Variants in MYF6 observed in about 807,000 individuals in gnomAD.
MYF6 encodes class C basic helix-loop-helix protein 4.
Under a neutral mutation model 21.7 loss-of-function variants are expected in MYF6, and 20 were observed. The observed-to-expected ratio is 0.92, with a 90% confidence interval of 0.65 to 1.34. MYF6 has a LOEUF of 1.34. MYF6 is among the 40% of genes most tolerant of loss of function. The pLI is 0.00. For missense variants in MYF6, 320 were observed against 304.1 expected, an observed-to-expected ratio of 1.05 and a Z score of -0.39; for synonymous variants, 124 against 124.7, an observed-to-expected ratio of 0.99 and a Z score of 0.04.
In MYF6 at chr12:80,707,700, C is replaced by T; in HGVS notation, c.-20C>T. On this transcript the variant is annotated 5_prime_UTR_variant, in exon 1 of 3. An upstream open reading frame in the 5' UTR gains an earlier in-frame stop. Coordinates refer to ENST00000228641, the MANE Select transcript of MYF6 (RefSeq NM_002469.3). ...GTCCATCACCCAGTTCAGATCGAGT[C>T]AGAGGCCAAGGAGGAGAACATGATG... is the stretch of plus-strand genomic sequence containing the variant. 1 of 1,614,070 alleles carries T rather than the reference C, an allele frequency of 6.2e-7. No homozygotes were observed. The highest frequency in any genetic ancestry group is 1.1e-5 in the South Asian group (1 of 91,030).
intron 1 of MYF6, 90 bp from the exon 2 acceptor site, chr12:80,708,434 G>T: frequency 6.9e-7 from 1 of 1,451,210 alleles, no homozygotes; most frequent in Non-Finnish European, 9.6e-7. Flanking sequence ...TACCCGGCCC[G>T]AGGAAGCAGG....
At position 80,709,221 on chromosome 12, in the gene MYF6, T is replaced by C. The variant is rs1352133848; in HGVS notation, c.*261T>C. 1 of 463,026 alleles carries C rather than the reference T, an allele frequency of 2.2e-6. No homozygotes were observed. The highest frequency in any genetic ancestry group is 4.0e-6 in the Non-Finnish European group (1 of 252,454). The allele number at this position is 463,026 out of a possible 1,614,324, so 28.7% of individuals were successfully genotyped here. On this transcript the variant is annotated 3_prime_UTR_variant, in exon 3 of 3. Transcript: ENST00000228641. ...GTGGCTTAGGTCTAGCCTCATTTTGTTTTTGTTTGGTTGGTTTTATACTAT... is the reference window on the plus strand; with the variant it reads ...GTGGCTTAGGTCTAGCCTCATTTTGCTTTTGTTTGGTTGGTTTTATACTAT...
At position 80,709,136 on chromosome 12, in the gene MYF6, T is replaced by G. The variant is rs1196151329; in HGVS notation, c.*176T>G. The stretch of plus-strand genomic sequence containing the variant: ...ACGTTGCGAAAATTGCGAAATCTGT[T>G]GTGCATGCTCAAATGAAAACGCCTT... On this transcript the variant is annotated 3_prime_UTR_variant, in exon 3 of 3. Transcript: ENST00000228641. The G allele has an allele frequency of 6.5e-6, 4 of 615,818 alleles. No individual in the cohort carries two copies. The African/African-American group carries it at 7.4e-5, about 11-fold the overall frequency. 38.1% of individuals were successfully genotyped at this position (615,818 alleles called of 1,614,324 possible).
rs1490263706 is a variant in MYF6, at chr12:80,709,361, T to C, written c.*401T>C. Reference sequence around the variant, plus strand: ...GTATTTAATGTATTTTTGTAAATAGTTTAACACTTTCTTTTTTTACGTAAA... The same window carrying C: ...GTATTTAATGTATTTTTGTAAATAGCTTAACACTTTCTTTTTTTACGTAAA... On this transcript the variant is annotated 3_prime_UTR_variant, in exon 3 of 3. Transcript: ENST00000228641. The C allele has an allele frequency of 5.8e-6, 1 of 172,908 alleles. No individual in the cohort carries two copies. Among genetic ancestry groups the C allele is most frequent in the African/African-American group, 2.4e-5 (1 of 41,782 alleles). 10.7% of individuals were successfully genotyped at this position (172,908 alleles called of 1,614,324 possible). A position where few individuals can be genotyped will look rare whatever the true frequency, so the allele number is the denominator to read the frequency against.
At position 80,709,065 on chromosome 12, in the gene MYF6, C is replaced by T; in HGVS notation, c.*105C>T. The T allele has an allele frequency of 1.0e-6, 1 of 955,844 alleles. No individual in the cohort carries two copies. The highest frequency in any genetic ancestry group is 1.6e-6 in the Non-Finnish European group (1 of 609,136). The allele number at this position is 955,844 out of a possible 1,614,324, so 59.2% of individuals were successfully genotyped here. A position where few individuals can be genotyped will look rare whatever the true frequency, so the allele number is the denominator to read the frequency against. On this transcript the variant is annotated 3_prime_UTR_variant, in exon 3 of 3. Coordinates refer to ENST00000228641, the MANE Select transcript of MYF6 (RefSeq NM_002469.3). Reference sequence around the variant, plus strand: ...CACATTACATTAACATTTAGGAACCCAGACCGAAAAGTTGCTGAAAGGGAA... The same window carrying T: ...CACATTACATTAACATTTAGGAACCTAGACCGAAAAGTTGCTGAAAGGGAA...
chr12:80,708,394 A>T lies in MYF6; in HGVS notation c.520-130A>T, dbSNP rs932283863. ...AATGAACCCCCAGTGACCCAAGAAG[A>T]CCGGGTGCTTGCAATAGGCAGGAAA... On this transcript the variant is annotated intron_variant, in intron 1 of 2. Transcript: ENST00000228641. The T allele has an allele frequency of 5.0e-6, 7 of 1,398,788 alleles. No individual in the cohort carries two copies. The Admixed American group carries it at 7.3e-5, about 15-fold the overall frequency. 86.6% of individuals were successfully genotyped at this position (1,398,788 alleles called of 1,614,324 possible). A position where few individuals can be genotyped will look rare whatever the true frequency, so the allele number is the denominator to read the frequency against.
At position 80,707,886 on chromosome 12, in the gene MYF6, G is replaced by A. The variant is rs1277326502; in HGVS notation, c.167G>A (p.Ser56Asn). The A allele has an allele frequency of 6.2e-7, 1 of 1,614,212 alleles. No homozygotes were observed. The highest frequency in any genetic ancestry group is 1.3e-5 in the African/African-American group (1 of 75,064). Reference sequence around the variant, plus strand: ...ATGCCCCCGGAAGCGGGGAGCGACAGCAGCGGAGAGGAACATGTCCTGGCG... The same window carrying A: ...ATGCCCCCGGAAGCGGGGAGCGACAACAGCGGAGAGGAACATGTCCTGGCG... Reference protein sequence around the residue: ...DQMPPEAGSDSSGEEHVLAPP... With the variant: ...DQMPPEAGSDNSGEEHVLAPP... The change falls in exon 1 of 3, where the codon AGC (serine) becomes AAC (asparagine). Residue 56 changes from serine (S) to asparagine (N), a missense_variant. Transcript: ENST00000228641.
At position 80,709,080 on chromosome 12, in the gene MYF6, C is replaced by A; in HGVS notation, c.*120C>A. The A allele has an allele frequency of 1.2e-6, 1 of 821,514 alleles. No individual in the cohort carries two copies. Among genetic ancestry groups the A allele is most frequent in the Non-Finnish European group, 2.0e-6 (1 of 494,008 alleles). The allele number at this position is 821,514 out of a possible 1,614,324, so 50.9% of individuals were successfully genotyped here. Reference sequence around the variant, plus strand: ...TTTAGGAACCCAGACCGAAAAGTTGCTGAAAGGGAAGGAGACACATTCACA... The same window carrying A: ...TTTAGGAACCCAGACCGAAAAGTTGATGAAAGGGAAGGAGACACATTCACA... On this transcript the variant is annotated 3_prime_UTR_variant, in exon 3 of 3. Coordinates refer to ENST00000228641, the MANE Select transcript of MYF6 (RefSeq NM_002469.3).
Position 80,708,008 on chromosome 12 carries a change from GC to G in MYF6, c.291del (p.Ala98ProfsTer9). On this transcript the variant is annotated frameshift_variant, in exon 1 of 3. Coordinates refer to ENST00000228641, the MANE Select transcript of MYF6 (RefSeq NM_002469.3). LOFTEE classifies it high-confidence loss of function. ...RKSAPTDRRK[A>X]ATLRERRRLK... is the part of the protein sequence containing the mutation. Reference sequence around the variant, plus strand: ...ATCTGCCCCCACTGACCGGCGAAAAGCCGCCACCCTGCGCGAAAGGAGGAGG... The same window carrying G: ...ATCTGCCCCCACTGACCGGCGAAAAGCGCCACCCTGCGCGAAAGGAGGAGG... 6.2e-7 allele frequency: 1 copy of G among 1,614,154 alleles called. No homozygotes were observed. The highest frequency in any genetic ancestry group is 1.1e-5 in the South Asian group (1 of 91,090).
In MYF6 at chr12:80,707,714, G is replaced by A; in HGVS notation, c.-6G>A. ...TCAGATCGAGTCAGAGGCCAAGGAG[G>A]AGAACATGATGATGGACCTTTTTGA... On this transcript the variant is annotated 5_prime_UTR_variant, in exon 1 of 3. Transcript: ENST00000228641. The A allele has an allele frequency of 1.9e-6, 3 of 1,614,172 alleles. No homozygotes were observed. The highest frequency in any genetic ancestry group is 2.5e-6 in the Non-Finnish European group (3 of 1,180,038).
Position 80,707,903 on chromosome 12 carries a change from G to A in MYF6, c.184G>A (p.Val62Ile), listed in dbSNP as rs190471225. The A allele has an allele frequency of 3.7e-4, 601 of 1,614,162 alleles. No homozygotes were observed. The highest frequency in any genetic ancestry group is 5.0e-4 in the Admixed American group (30 of 60,026). Residue 62 changes from valine (V) to isoleucine (I), a missense_variant, in exon 1 of 3, where the codon GTC (valine) becomes ATC (isoleucine). Val to Ile is a conservative substitution (Grantham distance 29, BLOSUM62 3). Transcript: ENST00000228641. ...GAGCGACAGCAGCGGAGAGGAACAT[G>A]TCCTGGCGCCCCCGGGCCTGCAGCC... The part of the protein sequence containing the change: ...AGSDSSGEEH[V>I]LAPPGLQPPH...
At position 80,707,984 on chromosome 12, in the gene MYF6, T is replaced by C. The variant is rs1565862209; in HGVS notation, c.265T>C (p.Ser89Pro). 1.2e-6 allele frequency: 2 copies of C among 1,613,802 alleles called. No individual in the cohort carries two copies. Among genetic ancestry groups the C allele is most frequent in the South Asian group, 1.1e-5 (1 of 91,072 alleles). Residue 89 changes from serine (S) to proline (P), a missense_variant, in exon 1 of 3, where the codon TCT (serine) becomes CCT (proline). By Grantham distance (74) the Ser-to-Pro change is moderately conservative. Transcript: ENST00000228641. ...GGCTTGCAAGACCTGCAAGAGAAAA[T>C]CTGCCCCCACTGACCGGCGAAAAGC... ...IWACKTCKRK[S>P]APTDRRKAAT...
Position 80,707,634 on chromosome 12 carries a change from A to G in MYF6, c.-86A>G. 6.7e-7 allele frequency: 1 copy of G among 1,497,008 alleles called. No homozygotes were observed. Among genetic ancestry groups the G allele is most frequent in the South Asian group, 1.1e-5 (1 of 87,918 alleles). The allele number at this position is 1,497,008 out of a possible 1,614,324, so 92.7% of individuals were successfully genotyped here. A position where few individuals can be genotyped will look rare whatever the true frequency, so the allele number is the denominator to read the frequency against. ...AAGCTGGGTCGACTTATGTCACTGC[A>G]CTAATTAAATGCCATCTGGGTGGTT... On this transcript the variant is annotated 5_prime_UTR_variant, in exon 1 of 3. Transcript: ENST00000228641.
Position 80,708,934 on chromosome 12 carries a change from T to G in MYF6, c.703T>G (p.Cys235Gly). ...TTCCTCGGAGGAACGCAAACTCCCC[T>G]GCGTGGAGGAAGTGGTGGAGAAGTA... ...SISSEERKLPCVEEVVEK is the reference protein window; with the variant it reads ...SISSEERKLPGVEEVVEK The change falls in exon 3 of 3, where the codon TGC becomes GGC. Residue 235 changes from cysteine (C) to glycine (G), a missense_variant. Transcript: ENST00000228641. 1 of 1,614,000 alleles carries G rather than the reference T, an allele frequency of 6.2e-7. No individual in the cohort carries two copies. Among genetic ancestry groups the G allele is most frequent in the Non-Finnish European group, 8.5e-7 (1 of 1,179,826 alleles).
rs1868391089 is a variant in MYF6 at position 80,707,985 on chromosome 12, C to T, written c.266C>T (p.Ser89Phe). ...IWACKTCKRK[S>F]APTDRRKAAT... is the part of the protein sequence containing the mutation. ...GCTTGCAAGACCTGCAAGAGAAAAT[C>T]TGCCCCCACTGACCGGCGAAAAGCC... The change falls in exon 1 of 3, where the codon TCT (serine) becomes TTT (phenylalanine). Residue 89 changes from serine to phenylalanine, a missense_variant. Transcript: ENST00000228641. The T allele has an allele frequency of 1.2e-6, 2 of 1,614,060 alleles. No individual in the cohort carries two copies. The highest frequency in any genetic ancestry group is 8.5e-7 in the Non-Finnish European group (1 of 1,180,056).
At position 80,708,964 on chromosome 12, in the gene MYF6, A is replaced by T; in HGVS notation, c.*4A>T. ...GGAGGAAGTGGTGGAGAAGTAACTG[A>T]GCCTGCGCTTGAGACCTTCTCCACG... On this transcript the variant is annotated 3_prime_UTR_variant, in exon 3 of 3. Coordinates refer to ENST00000228641, the MANE Select transcript of MYF6 (RefSeq NM_002469.3). 11 of 1,606,352 alleles carry T rather than the reference A, an allele frequency of 6.8e-6. No homozygotes were observed. Among genetic ancestry groups the T allele is most frequent in the Non-Finnish European group, 9.4e-6 (11 of 1,172,922 alleles).
Position 80,707,882 on chromosome 12 carries a change from G to C in MYF6, c.163G>C (p.Asp55His), listed in dbSNP as rs1440623799. The C allele has an allele frequency of 1.9e-6, 3 of 1,614,038 alleles. No homozygotes were observed. Among genetic ancestry groups the C allele is most frequent in the Non-Finnish European group, 2.5e-6 (3 of 1,180,032 alleles). Reference protein sequence around the residue: ...QDQMPPEAGSDSSGEEHVLAP... With the variant: ...QDQMPPEAGSHSSGEEHVLAP... Reference sequence around the variant, plus strand: ...CCAAATGCCCCCGGAAGCGGGGAGCGACAGCAGCGGAGAGGAACATGTCCT... The same window carrying C: ...CCAAATGCCCCCGGAAGCGGGGAGCCACAGCAGCGGAGAGGAACATGTCCT... Residue 55 changes from aspartate to histidine, a missense_variant, in exon 1 of 3, where the codon GAC becomes CAC. Physicochemically the swap from Asp to His is moderately conservative, Grantham distance 81 (BLOSUM62 -1). Transcript: ENST00000228641.
intron 1 of MYF6, 22 bp from the exon 2 acceptor site, chr12:80,708,502 G>T (rs758340766): frequency 1.1e-5 from 13 of 1,166,896 alleles, no homozygotes; most frequent in Non-Finnish European, 1.6e-5. Context: ...CTAATCTGCC[G>T]CTGCCTTGGT....
At position 80,709,306 on chromosome 12, in the gene MYF6, A is replaced by G. The variant is rs1047183; in HGVS notation, c.*346A>G. ...GTTCAAAAGAAGTTCATTCCTGTCT[A>G]AAGTGGGAAAGTTGCATTTAATGTT... is the stretch of plus-strand genomic sequence containing the variant. On this transcript the variant is annotated 3_prime_UTR_variant, in exon 3 of 3. Coordinates refer to ENST00000228641, the MANE Select transcript of MYF6 (RefSeq NM_002469.3). The G allele has an allele frequency of 0.18, 40,369 of 222,666 alleles. 4,634 individuals are homozygous for G. Among genetic ancestry groups the G allele is most frequent in the Non-Finnish European group, 0.24 (26,979 of 111,050 alleles). 13.8% of individuals were successfully genotyped at this position (222,666 alleles called of 1,614,324 possible).
Sources: allele counts gnomAD v4.1 joint callset, GRCh38; gene constraint gnomAD v4.1.1; transcripts MANE v1.5; gene names NCBI Gene and HGNC (gene_info 2026-07-23, HGNC 2026-07-21).